The following DNM1 variants were observed in gnomAD, a reference collection of about 807,000 sequenced individuals.
The protein encoded by DNM1 is dynamin 1.
DNM1 carries 29 observed loss-of-function variants against 104.6 expected under a neutral mutation model. That is an observed-to-expected ratio of 0.28 (90% CI 0.21 to 0.38). The LOEUF (loss-of-function observed/expected upper bound fraction) is 0.38. Ranked by LOEUF, DNM1 falls within the 10% of genes least tolerant of loss-of-function variation. The pLI is 1.00. For synonymous variants in DNM1, 445 were observed against 475.8 expected (o/e 0.94, Z 0.84); for missense variants, 640 against 1,189.4 (o/e 0.54, Z 6.79).
At chr9:128,216,107 A>G (rs1834588550) in intron 1 of DNM1, among the ~76,000 whole-genome samples, 1 of 149,690 alleles carries the variant, frequency 6.7e-6, no homozygotes, top group Non-Finnish European at 1.5e-5. Context: ...TTATCTGTTT[A>G]CTTGTCTGTC....
chr9:128,224,703 C>T lies in DNM1; in HGVS notation c.1335+314C>T, dbSNP rs911817850. ...GCTTGAGGGGACCCTGAGCCCCCTC[C>T]CTGTCCTCGGAGGTGTCATCTTTGG... On this transcript the variant is annotated intron_variant, in intron 10 of 21. Transcript: ENST00000372923. The surrounding 1 kb of genome is among the most constrained non-coding windows in gnomAD (Gnocchi z 4.3). 2.0e-5 allele frequency among the ~76,000 whole-genome samples: 3 copies of T among 151,778 alleles called. No individual in the cohort carries two copies. Among genetic ancestry groups the T allele is most frequent in the African/African-American group, 7.3e-5 (3 of 41,260 alleles).
rs893244554 is a variant in DNM1, at chr9:128,245,140, G to A, written c.1672-1254G>A. The A allele has an allele frequency of 1.6e-4, 30 of 190,954 alleles. No individual in the cohort carries two copies. Among genetic ancestry groups the A allele is most frequent in the Non-Finnish European group, 2.7e-4 (24 of 88,912 alleles). The allele number at this position is 190,954 out of a possible 1,614,324, so 11.8% of individuals were successfully genotyped here. A position where few individuals can be genotyped will look rare whatever the true frequency, so the allele number is the denominator to read the frequency against. ...GGTGGTGGCGGGGCCTCTCTCGAAC[G>A]GTTCCAGATGTTCCCTGGCCGTGTG... On this transcript the variant is annotated intron_variant, in intron 15 of 21. Transcript: ENST00000372923. The surrounding 1 kb of genome is among the most constrained non-coding windows in gnomAD (Gnocchi z 5.2).
In DNM1 at chr9:128,247,468, G is replaced by C; in HGVS notation, c.1875G>C (p.Val625=). ...SWKASFLRAG[V]YPERVGDKEK... ...AGGCCTCCTTCCTGAGGGCTGGCGT[G>C]TACCCTGAGCGTGTTGGGGTGAGTG... Residue 625 remains valine (V), a synonymous_variant, in exon 17 of 22, where the codon GTG becomes GTC. Coordinates refer to ENST00000372923, the MANE Select transcript of DNM1 (RefSeq NM_004408.4). This position sits in a 1 kb window ranked among gnomAD's most constrained non-coding sequence, Gnocchi z 5.1. The C allele has an allele frequency of 6.2e-7, 1 of 1,613,194 alleles. No individual in the cohort carries two copies. Among genetic ancestry groups the C allele is most frequent in the East Asian group, 2.2e-5 (1 of 44,856 alleles).
intron 21 of DNM1, chr9:128,252,942 T>G: frequency 2.7e-6 from 2 of 728,534 alleles, no homozygotes; most frequent in Non-Finnish European, 4.9e-6. Context: ...GGCGTATGCG[T>G]GTTGTTTGTG....
rs1163777623 is a variant in DNM1 at position 128,220,741 on chromosome 9, G to GCGCGCGCA, written c.849+402_849+403insCGCGCACG. Among the ~76,000 whole-genome samples the GCGCGCGCA allele has an allele frequency of 6.3e-5, 8 of 126,018 alleles. No individual in the cohort carries two copies. Among genetic ancestry groups the GCGCGCGCA allele is most frequent in the Non-Finnish European group, 1.0e-4 (6 of 59,136 alleles). 82.7% of individuals were successfully genotyped at this position (126,018 alleles called of 152,430 possible). On this transcript the variant is annotated intron_variant, in intron 6 of 21. Transcript: ENST00000372923. This position sits in a 1 kb window ranked among gnomAD's most constrained non-coding sequence, Gnocchi z 5.2. ...CCAGAACTGAAGTGCGCGCGCGCGCGCGTGTGTGTGTGTGTGTGTGTGTGT... is the reference window on the plus strand; with the variant it reads ...CCAGAACTGAAGTGCGCGCGCGCGCGCGCGCGCACGTGTGTGTGTGTGTGTGTGTGTGT...
chr9:128,205,610 ATTTCCC>A (rs1412745185), intron 1 of DNM1, among the ~76,000 whole-genome samples: 1 of 152,080 alleles, frequency 6.6e-6, no homozygotes, highest in African/African-American at 2.4e-5. Flanking sequence ...GTGGGCCTCC[ATTTCCC>A]CATCTGCGGA....
chr9:128,254,472 C>A lies in DNM1; in HGVS notation c.2535-182C>A. The A allele has an allele frequency of 6.7e-7, 1 of 1,502,008 alleles. No homozygotes were observed. Among genetic ancestry groups the A allele is most frequent in the African/African-American group, 1.4e-5 (1 of 70,868 alleles). The allele number at this position is 1,502,008 out of a possible 1,614,324, so 93.0% of individuals were successfully genotyped here. A position where few individuals can be genotyped will look rare whatever the true frequency, so the allele number is the denominator to read the frequency against. Reference sequence around the variant, plus strand: ...CTACGGCTCCTCCCTCCATCTTCCTCCCCTTTCCCTTCCAGCCCCTTTTCC... The same window carrying A: ...CTACGGCTCCTCCCTCCATCTTCCTACCCTTTCCCTTCCAGCCCCTTTTCC... On this transcript the variant is annotated intron_variant, in intron 21 of 21. Coordinates refer to ENST00000372923, the MANE Select transcript of DNM1 (RefSeq NM_004408.4). The surrounding 1 kb of genome is among the most constrained non-coding windows in gnomAD (Gnocchi z 6.1).
In DNM1 at chr9:128,240,022, G is replaced by A. The variant is rs1458806191; in HGVS notation, c.1557+26G>A. 6.2e-7 allele frequency: 1 copy of A among 1,614,046 alleles called. No individual in the cohort carries two copies. The highest frequency in any genetic ancestry group is 1.7e-5 in the Admixed American group (1 of 60,006). Reference sequence around the variant, plus strand: ...GTGAGTACCAGGACTGGGGCTCTCGGCTTGTGTAGTGAGGGGGCGGAGGGT... The same window carrying A: ...GTGAGTACCAGGACTGGGGCTCTCGACTTGTGTAGTGAGGGGGCGGAGGGT... On this transcript the variant is annotated intron_variant, in intron 14 of 21. Transcript: ENST00000372923. This position sits in a 1 kb window ranked among gnomAD's most constrained non-coding sequence, Gnocchi z 5.1.
rs1407710728 is a variant in DNM1, at chr9:128,218,765, A to G, written c.385+34A>G. 2 of 1,562,634 alleles carry G rather than the reference A, an allele frequency of 1.3e-6. No individual in the cohort carries two copies. Among genetic ancestry groups the G allele is most frequent in the African/African-American group, 1.4e-5 (1 of 73,028 alleles). Reference sequence around the variant, plus strand: ...CCTGGCCCCGCCCTAACCTCTAAGAATCATTTTCTTGGCCACGCACCTCTG... The same window carrying G: ...CCTGGCCCCGCCCTAACCTCTAAGAGTCATTTTCTTGGCCACGCACCTCTG... On this transcript the variant is annotated intron_variant, in intron 3 of 21. Transcript: ENST00000372923. The surrounding 1 kb of genome is among the most constrained non-coding windows in gnomAD (Gnocchi z 4.8).
At chr9:128,252,624 G>C in intron 21 of DNM1, 1 of 404,624 alleles carries the variant, frequency 2.5e-6, no homozygotes, top group Non-Finnish European at 4.9e-6. Context: ...AGTCTGAAAA[G>C]TTTGACTTGT....
intron 10 of DNM1, among the ~76,000 whole-genome samples, chr9:128,231,194 C>CT (rs72047067): frequency 0.06 from 4,129 of 68,446 alleles, 254 homozygotes; most frequent in African/African-American, 0.19. Context: ...ATACTTTTGC[C>CT]TTTTTTTTTT....
At chr9:128,242,092 C>G (rs1432549793) in intron 14 of DNM1, 140 bp from the exon 15 acceptor site, 1 of 667,970 alleles carries the variant, frequency 1.5e-6, no homozygotes, top group African/African-American at 1.8e-5. Flanking sequence ...CAAGGCAGGT[C>G]TGGCCCCCAC....
At chr9:128,235,834 C>T (rs1377723405) in intron 11 of DNM1, among the ~76,000 whole-genome samples, 1 of 152,142 alleles carries the variant, frequency 6.6e-6, no homozygotes, top group African/African-American at 2.4e-5. Context: ...CCGACTTTAG[C>T]CTCCCGAGTA....
chr9:128,216,614 TC>T (rs1224616146), intron 1 of DNM1, among the ~76,000 whole-genome samples: 1 of 152,140 alleles, frequency 6.6e-6, no homozygotes, highest in Non-Finnish European at 1.5e-5. Flanking sequence ...CCAGTATAAT[TC>T]CTGACTCCTC....
At chr9:128,208,970 G>A (rs759661357) in intron 1 of DNM1, among the ~76,000 whole-genome samples, 16 of 152,280 alleles carry the variant, frequency 1.1e-4, no homozygotes, top group Non-Finnish European at 1.5e-4. Context: ...TTGAGAACCC[G>A]GATGAAGGAT....
chr9:128,245,143 T>A lies in DNM1; in HGVS notation c.1672-1251T>A. 5.3e-6 allele frequency: 1 copy of A among 189,324 alleles called. No homozygotes were observed. The highest frequency in any genetic ancestry group is 1.1e-5 in the Non-Finnish European group (1 of 88,142). 11.7% of individuals were successfully genotyped at this position (189,324 alleles called of 1,614,324 possible). A position where few individuals can be genotyped will look rare whatever the true frequency, so the allele number is the denominator to read the frequency against. On this transcript the variant is annotated intron_variant, in intron 15 of 21. Coordinates refer to ENST00000372923, the MANE Select transcript of DNM1 (RefSeq NM_004408.4). The surrounding 1 kb of genome is among the most constrained non-coding windows in gnomAD (Gnocchi z 5.2). ...GGTGGCGGGGCCTCTCTCGAACGGT[T>A]CCAGATGTTCCCTGGCCGTGTGTGC...
chr9:128,253,016 G>T lies in DNM1; in HGVS notation c.2535-1638G>T. 4 of 1,357,896 alleles carry T rather than the reference G, an allele frequency of 2.9e-6. No homozygotes were observed. In the Admixed American group the frequency reaches 6.7e-5, roughly 23 times the overall value. 84.1% of individuals were successfully genotyped at this position (1,357,896 alleles called of 1,614,324 possible). A position where few individuals can be genotyped will look rare whatever the true frequency, so the allele number is the denominator to read the frequency against. On this transcript the variant is annotated intron_variant, in intron 21 of 21. Transcript: ENST00000372923. This position sits in a 1 kb window ranked among gnomAD's most constrained non-coding sequence, Gnocchi z 5.9. ...TCACAGCATGTGTGTGCACGCCCGGGCGTGTGCGTGTGTGTGTCCCCCACC... is the reference window on the plus strand; with the variant it reads ...TCACAGCATGTGTGTGCACGCCCGGTCGTGTGCGTGTGTGTGTCCCCCACC...
In DNM1 at chr9:128,220,917, CTTTCTTTCTTTCTTTCT is replaced by C. The variant is rs1464021586; in HGVS notation, c.849+584_849+600del. Among the ~76,000 whole-genome samples, 1 of 146,850 alleles carries C rather than the reference CTTTCTTTCTTTCTTTCT, an allele frequency of 6.8e-6. No individual in the cohort carries two copies. Among genetic ancestry groups the C allele is most frequent in the Non-Finnish European group, 1.5e-5 (1 of 66,322 alleles). On this transcript the variant is annotated intron_variant, in intron 6 of 21. Coordinates refer to ENST00000372923, the MANE Select transcript of DNM1 (RefSeq NM_004408.4). The surrounding 1 kb of genome is among the most constrained non-coding windows in gnomAD (Gnocchi z 5.2). Reference sequence around the variant, plus strand: ...TCTTTCTTTCTTTCTTTCTTTCTTTCTTTCTTTCTTTCTTTCTTTTCTTTTCTTTCTTTCTTTCCTTT... The same window carrying C: ...TCTTTCTTTCTTTCTTTCTTTCTTTCTTTCTTTTCTTTCTTTCTTTCCTTT...
chr9:128,238,668 T>C (rs1224007784), intron 11 of DNM1, among the ~76,000 whole-genome samples: 1 of 148,642 alleles, frequency 6.7e-6, no homozygotes, highest in African/African-American at 2.6e-5. Context: ...TTTTTTTTTT[T>C]CTTTTGAGGT....
Sources: allele counts gnomAD v4.1 joint callset (sites outside exome capture counted in the v4.1 genomes callset), GRCh38; gene constraint gnomAD v4.1.1; non-coding constraint Gnocchi (gnomAD v3.1); transcripts MANE v1.5; gene names NCBI Gene and HGNC (gene_info 2026-07-23, HGNC 2026-07-21).